ACSL4: variants seen among roughly 807,000 people sequenced by gnomAD.
ACSL4 encodes long-chain-fatty-acid--CoA ligase 4.
A neutral mutation model predicts 49.1 loss-of-function variants in ACSL4; 9 were observed. The observed-to-expected ratio is 0.18, with a 90% CI of 0.11 to 0.32. The LOEUF (loss-of-function observed/expected upper bound fraction) is 0.32. Ranked by LOEUF, ACSL4 falls within the 10% of genes least tolerant of loss-of-function variation. The pLI is 1.00. For missense variants in ACSL4, 333 were observed against 493.7 expected, an observed-to-expected ratio of 0.67 and a Z score of 3.08; for synonymous variants, 191 against 170.3, an observed-to-expected ratio of 1.12 and a Z score of -0.95.
At chrX:109,646,678 C>T (rs1934721151) in intron 15 of ACSL4, among the ~76,000 whole-genome samples, 1 of 110,398 alleles carries the variant, frequency 9.1e-6, no homozygotes, top group South Asian at 4.0e-4. Flanking sequence ...ACAATATTAA[C>T]TTTAAATGTA....
chrX:109,669,146 C>G lies in ACSL4; in HGVS notation c.1030G>C (p.Val344Leu). ...TTCATCTCTTGGACTTTGCTCATAA[C>G]ATTCTTATAAATTCTATCCATGATT... is the stretch of plus-strand genomic sequence containing the variant. ...PEIMDRIYKN[V>L]MSKVQEMNYI... Residue 344 changes from valine to leucine, a missense_variant, in exon 10 of 16, where the codon GTT becomes CTT. Physicochemically the swap from Val to Leu is conservative, Grantham distance 32 (BLOSUM62 1). Transcript: ENST00000672401. The G allele has an allele frequency of 2.6e-6, 3 of 1,168,339 alleles. No homozygotes were observed. Among genetic ancestry groups the G allele is most frequent in the Non-Finnish European group, 3.5e-6 (3 of 858,324 alleles).
intron 15 of ACSL4, 67 bp from the exon 16 acceptor site, chrX:109,644,253 C>T (rs899348080): frequency 6.3e-5 from 64 of 1,012,806 alleles, no homozygotes; most frequent in Middle Eastern, 2.7e-4. Flanking sequence ...GGAGTGGGGA[C>T]GGGGAAAGAA....
intron 14 of ACSL4, among the ~76,000 whole-genome samples, chrX:109,660,157 T>A (rs7884086): frequency 0.018 from 1,916 of 107,417 alleles, 31 homozygotes; most frequent in African/African-American, 0.064. Context: ...AAAGGCAATC[T>A]ATGGAATAGA....
chrX:109,643,955 C>G lies in ACSL4; in HGVS notation c.*74G>C. On this transcript the variant is annotated 3_prime_UTR_variant, in exon 16 of 16. Coordinates refer to ENST00000672401, the MANE Select transcript of ACSL4 (RefSeq NM_001318510.2). ...TATACCTTACATTCTAACAGTTCAA[C>G]AAAGGCTTAAAATTCTAGAGGTTGA... is the stretch of plus-strand genomic sequence containing the variant. 2 of 1,113,322 alleles carry G rather than the reference C, an allele frequency of 1.8e-6. No individual in the cohort carries two copies. The highest frequency in any genetic ancestry group is 2.5e-6 in the Non-Finnish European group (2 of 806,657). 91.8% of individuals were successfully genotyped at this position (1,113,322 alleles called of 1,213,427 possible).
At chrX:109,704,317 G>C (rs1926187666) in intron 1 of ACSL4, among the ~76,000 whole-genome samples, 1 of 111,807 alleles carries the variant, frequency 8.9e-6, no homozygotes, top group South Asian at 3.7e-4. Context: ...CAGCAAATAA[G>C]CAATGCTTAT....
At chrX:109,718,037 A>G (rs1227942734) in intron 1 of ACSL4, among the ~76,000 whole-genome samples, 3 of 112,016 alleles carry the variant, frequency 2.7e-5, no homozygotes, top group Non-Finnish European at 5.6e-5. Flanking sequence ...GATTTTAACT[A>G]AAGAGGTAGA....
intron 15 of ACSL4, among the ~76,000 whole-genome samples, chrX:109,646,890 A>G (rs932100916): frequency 9.0e-6 from 1 of 111,603 alleles, no homozygotes; most frequent in Non-Finnish European, 1.9e-5. Context: ...CTGATAAAAC[A>G]GACTTTAAAC....
intron 14 of ACSL4, 38 bp from the exon 15 acceptor site, chrX:109,659,549 G>A (rs1452866977): frequency 1.0e-6 from 1 of 1,004,979 alleles, no homozygotes; most frequent in Admixed American, 2.2e-5. Flanking sequence ...TGAAAACATT[G>A]AGAAAAGTTA....
rs1432885740 is a variant in ACSL4, at chrX:109,721,729, CA to C, written c.-66+11409del. On this transcript the variant is annotated intron_variant, in intron 1 of 15. Transcript: ENST00000672401. The stretch of plus-strand genomic sequence containing the variant: ...CCTGGGTGACAGAGTAAGACTCCGT[CA>C]AAAAAAAAAACAAAAAAGAAAAGAA... 9.8e-4 allele frequency among the ~76,000 whole-genome samples: 87 copies of C among 89,035 alleles called. 4 individuals carry two copies. Among genetic ancestry groups the C allele is most frequent in the Non-Finnish European group, 1.1e-3 (48 of 44,524 alleles). The allele number at this position is 89,035 out of a possible 115,157, so 77.3% of individuals were successfully genotyped here. A position where few individuals can be genotyped will look rare whatever the true frequency, so the allele number is the denominator to read the frequency against.
chrX:109,666,206 G>A (rs1922619745), intron 11 of ACSL4, among the ~76,000 whole-genome samples: 1 of 112,417 alleles, frequency 8.9e-6, no homozygotes, highest in Non-Finnish European at 1.9e-5. Flanking sequence ...GGCACTGAAG[G>A]TAAGCACAAT....
chrX:109,659,268 A>T, intron 15 of ACSL4, 86 bp downstream of exon 15: 1 of 881,966 alleles, frequency 1.1e-6, no homozygotes, highest in Non-Finnish European at 1.6e-6. Flanking sequence ...TTTTATTATT[A>T]AAGCAAACAT....
At chrX:109,698,081 T>C (rs1925594493) in intron 1 of ACSL4, among the ~76,000 whole-genome samples, 1 of 111,587 alleles carries the variant, frequency 9.0e-6, no homozygotes, top group Non-Finnish European at 1.9e-5. Flanking sequence ...GCTTAAACCT[T>C]CTACTCGTCT....
At chrX:109,684,745 A>G (rs1050611406) in intron 2 of ACSL4, among the ~76,000 whole-genome samples, 4 of 111,646 alleles carry the variant, frequency 3.6e-5, no homozygotes, top group African/African-American at 9.8e-5. Context: ...GATTAGATTT[A>G]AGCTGGACCT....
intron 15 of ACSL4, among the ~76,000 whole-genome samples, chrX:109,656,299 G>A (rs2147379404): frequency 9.1e-6 from 1 of 110,475 alleles, no homozygotes; most frequent in South Asian, 3.8e-4. Context: ...ATGAAGAGAG[G>A]AAATTTTAAG....
intron 15 of ACSL4, among the ~76,000 whole-genome samples, 176 bp from the exon 16 acceptor site, chrX:109,644,362 T>C (rs1569411733): frequency 4.5e-5 from 5 of 110,818 alleles, no homozygotes. Flanking sequence ...TTTAATGGTA[T>C]ACTAGATAGT....
chrX:109,686,412 G>A (rs990955385), intron 2 of ACSL4, among the ~76,000 whole-genome samples: 1 of 111,939 alleles, frequency 8.9e-6, no homozygotes, highest in South Asian at 3.7e-4. Flanking sequence ...TAATATAAAA[G>A]AGTACCATAA....
At position 109,646,101 on chromosome X, in the gene ACSL4, A is replaced by G. The variant is rs867237857; in HGVS notation, c.1856-1915T>C. ...AACCAAGTTGGAAAACACTCTGTAG[A>G]ATATTATCCAGGAGAACTTCCCCAA... On this transcript the variant is annotated intron_variant, in intron 15 of 15. Transcript: ENST00000672401. 5.3e-3 allele frequency among the ~76,000 whole-genome samples: 591 copies of G among 112,044 alleles called. 5 individuals carry two copies. The highest frequency in any genetic ancestry group is 0.017 in the African/African-American group (510 of 30,809).
Position 109,642,051 on chromosome X carries a change from G to C in ACSL4, c.*1978C>G, listed in dbSNP as rs1934459541. 1 of 111,795 alleles carries C rather than the reference G, an allele frequency of 8.9e-6. No individual in the cohort carries two copies. Among genetic ancestry groups the C allele is most frequent in the Non-Finnish European group, 1.9e-5 (1 of 53,031 alleles). 9.2% of individuals were successfully genotyped at this position (111,795 alleles called of 1,213,427 possible). A position where few individuals can be genotyped will look rare whatever the true frequency, so the allele number is the denominator to read the frequency against. On this transcript the variant is annotated 3_prime_UTR_variant, in exon 16 of 16. Transcript: ENST00000672401. Reference sequence around the variant, plus strand: ...ATATTTGGATTTTTGCAAAGAATTAGCAGCACCCAACCTTAAGTGTTAATT... The same window carrying C: ...ATATTTGGATTTTTGCAAAGAATTACCAGCACCCAACCTTAAGTGTTAATT...
intron 4 of ACSL4, among the ~76,000 whole-genome samples, chrX:109,681,970 G>C (rs747789470): frequency 9.8e-5 from 11 of 111,934 alleles, no homozygotes; most frequent in African/African-American, 3.6e-4. Context: ...AAGGACATCT[G>C]CTAAACTTAG....
Sources: gnomAD v4.1 joint callset for allele counts (sites outside exome capture counted in the v4.1 genomes callset) on GRCh38, gnomAD v4.1.1 for gene constraint, MANE v1.5 for transcripts, NCBI Gene and HGNC (gene_info 2026-07-23, HGNC 2026-07-21) for gene names.